RPTOR: variants seen among roughly 807,000 people sequenced by gnomAD.
RPTOR encodes regulatory-associated protein of mTOR.
In RPTOR, 21 loss-of-function variants were observed where a neutral mutation model predicts 169.9. The ratio of observed to expected loss-of-function variants is 0.12; its 90% CI spans 0.09 to 0.18. The LOEUF is 0.18. RPTOR is among the 10% of genes least tolerant of loss of function. The pLI is 1.00. For missense variants in RPTOR, 1,133 were observed against 1,855.9 expected, an observed-to-expected ratio of 0.61 and a Z score of 7.16; for synonymous variants, 732 against 753.2, an observed-to-expected ratio of 0.97 and a Z score of 0.46.
intron 11 of RPTOR, among the ~76,000 whole-genome samples, chr17:80,850,834 C>A (rs1185536904): frequency 6.6e-6 from 1 of 152,226 alleles, no homozygotes; most frequent in African/African-American, 2.4e-5. Flanking sequence ...GCCTGCAGCA[C>A]CTGGCACTCC....
intron 7 of RPTOR, among the ~76,000 whole-genome samples, chr17:80,815,175 G>A (rs2067310907): frequency 1.3e-5 from 2 of 152,366 alleles, no homozygotes; most frequent in Middle Eastern, 3.4e-3. Context: ...AGTTAGGGGT[G>A]CACAAGGTTT....
Position 80,744,907 on chromosome 17 carries a change from C to T in RPTOR, c.655-9103C>T, listed in dbSNP as rs71368083. ...GCCCTGGCTACTAGCACTGTCCTGG[C>T]TACTAGCACAGCCCTGGTTACTAGC... On this transcript the variant is annotated intron_variant, in intron 5 of 33. Transcript: ENST00000306801. Among the ~76,000 whole-genome samples, 339 of 66,858 alleles carry T rather than the reference C, an allele frequency of 5.1e-3. 20 individuals are homozygous for T. The highest frequency in any genetic ancestry group is 7.6e-3 in the East Asian group (12 of 1,570). The allele number at this position is 66,858 out of a possible 152,430, so 43.9% of individuals were successfully genotyped here. A position where few individuals can be genotyped will look rare whatever the true frequency, so the allele number is the denominator to read the frequency against.
chr17:80,702,504 A>C (rs867461739), intron 3 of RPTOR, among the ~76,000 whole-genome samples: 4 of 152,286 alleles, frequency 2.6e-5, no homozygotes, highest in African/African-American at 9.6e-5. Flanking sequence ...CTGGCATTCT[A>C]GTTGTGAGAC....
At chr17:80,598,515 G>A (rs574625470) in intron 1 of RPTOR, among the ~76,000 whole-genome samples, 3 of 152,266 alleles carry the variant, frequency 2.0e-5, no homozygotes, top group East Asian at 3.9e-4. Context: ...AAATGTGAAG[G>A]TCATCTGCAG....
intron 28 of RPTOR, among the ~76,000 whole-genome samples, chr17:80,951,658 C>G (rs954711186): frequency 6.6e-6 from 1 of 152,194 alleles, no homozygotes. Context: ...AGGACTGGTT[C>G]AAACCAGTTC....
At chr17:80,554,660 C>T (rs897488623) in intron 1 of RPTOR, among the ~76,000 whole-genome samples, 5 of 152,030 alleles carry the variant, frequency 3.3e-5, no homozygotes, top group African/African-American at 7.2e-5. Flanking sequence ...AGGAGAATGG[C>T]GTGAACCCGG....
chr17:80,638,409 TTC>T (rs2065525450), intron 2 of RPTOR, among the ~76,000 whole-genome samples: 1 of 124,836 alleles, frequency 8.0e-6, no homozygotes, highest in African/African-American at 3.3e-5. Context: ...TTTTCTTCCT[TTC>T]TTTTTTTTTT....
At chr17:80,880,602 G>A in intron 14 of RPTOR, 113 bp downstream of exon 14, 1 of 974,548 alleles carries the variant, frequency 1.0e-6, no homozygotes, top group Non-Finnish European at 1.6e-6. Context: ...AAGGTCAAGG[G>A]TCACAGCAGG....
chr17:80,852,873 C>T (rs575424240), intron 11 of RPTOR, among the ~76,000 whole-genome samples: 190 of 152,272 alleles, frequency 1.2e-3, no homozygotes, highest in African/African-American at 4.4e-3. Context: ...CATCTCCTCT[C>T]CCCTCCCCCG....
At chr17:80,902,404 A>G (rs1218054672) in intron 20 of RPTOR, among the ~76,000 whole-genome samples, 3 of 152,202 alleles carry the variant, frequency 2.0e-5, no homozygotes, top group Admixed American at 6.5e-5. Flanking sequence ...CCATCCGTGC[A>G]GCTCAGAGCC....
rs932615118 is a variant in RPTOR at position 80,726,193 on chromosome 17, A to G, written c.508-4367A>G. ...AAGCTGTTCTGTGGCGCAGCATCCCAGTGGCTGTTACGGGGTGAAAGCCCC... is the reference window on the plus strand; with the variant it reads ...AAGCTGTTCTGTGGCGCAGCATCCCGGTGGCTGTTACGGGGTGAAAGCCCC... On this transcript the variant is annotated intron_variant, in intron 4 of 33. Transcript: ENST00000306801. This position sits in a 1 kb window ranked among gnomAD's most constrained non-coding sequence, Gnocchi z 4.5. 3.9e-5 allele frequency among the ~76,000 whole-genome samples: 6 copies of G among 152,182 alleles called. No homozygotes were observed. The highest frequency in any genetic ancestry group is 8.8e-5 in the Non-Finnish European group (6 of 68,034).
intron 4 of RPTOR, among the ~76,000 whole-genome samples, chr17:80,709,486 G>T (rs948090386): frequency 8.5e-5 from 13 of 152,372 alleles, no homozygotes; most frequent in Non-Finnish European, 1.6e-4. Context: ...CTCTTCCGCA[G>T]TGCGCTTTGC....
intron 5 of RPTOR, 56 bp from the exon 6 acceptor site, chr17:80,753,954 T>C: frequency 6.9e-7 from 1 of 1,454,576 alleles, no homozygotes; most frequent in Non-Finnish European, 9.6e-7. Flanking sequence ...GCTTACTATT[T>C]GGTTGTGACC....
At chr17:80,797,378 C>G (rs1034389063) in intron 7 of RPTOR, among the ~76,000 whole-genome samples, 1 of 152,206 alleles carries the variant, frequency 6.6e-6, no homozygotes, top group African/African-American at 2.4e-5. Context: ...AAACTCCTGA[C>G]CTCAGATGAT....
At position 80,730,535 on chromosome 17, in the gene RPTOR, C is replaced by T. The variant is rs199988795; in HGVS notation, c.508-25C>T. 769 of 1,608,012 alleles carry T rather than the reference C, an allele frequency of 4.8e-4. 1 individual carries two copies. Among genetic ancestry groups the T allele is most frequent in the Non-Finnish European group, 6.2e-4 (726 of 1,174,772 alleles). The stretch of plus-strand genomic sequence containing the variant: ...CCATATTCCTGAGACGCACATGTAA[C>T]GAGCGCACTTTGTGTGTTTTCTAGA... On this transcript the variant is annotated intron_variant, in intron 4 of 33. Coordinates refer to ENST00000306801, the MANE Select transcript of RPTOR (RefSeq NM_020761.3). This position sits in a 1 kb window ranked among gnomAD's most constrained non-coding sequence, Gnocchi z 4.2.
intron 13 of RPTOR, among the ~76,000 whole-genome samples, chr17:80,864,745 T>C (rs2067967582): frequency 6.6e-6 from 1 of 152,240 alleles, no homozygotes; most frequent in African/African-American, 2.4e-5. Context: ...AATATGGGAT[T>C]TTTTTCTTTT....
Position 80,730,490 on chromosome 17 carries a change from G to A in RPTOR, c.508-70G>A. The A allele has an allele frequency of 6.5e-7, 1 of 1,550,132 alleles. No individual in the cohort carries two copies. Among genetic ancestry groups the A allele is most frequent in the Non-Finnish European group, 8.9e-7 (1 of 1,126,472 alleles). On this transcript the variant is annotated intron_variant, in intron 4 of 33. Coordinates refer to ENST00000306801, the MANE Select transcript of RPTOR (RefSeq NM_020761.3). This position sits in a 1 kb window ranked among gnomAD's most constrained non-coding sequence, Gnocchi z 4.2. ...CTCAATGTGTGTGCCTTTTGTAACG[G>A]TGCAGTACTCACCAGCAGCCCATAT...
chr17:80,961,170 A>C (rs554932848), intron 30 of RPTOR, among the ~76,000 whole-genome samples: 1 of 152,232 alleles, frequency 6.6e-6, no homozygotes, highest in Non-Finnish European at 1.5e-5. Context: ...CCTAGGGCCC[A>C]GCCCTGAGCC....
rs1159703930 is a variant in RPTOR at position 80,724,073 on chromosome 17, A to G, written c.508-6487A>G. ...TGAAGAAAGTATAAATCAGTGGAGT[A>G]AAGGATGAGAAATGGGAAGGTATGA... On this transcript the variant is annotated intron_variant, in intron 4 of 33. Transcript: ENST00000306801. Among the ~76,000 whole-genome samples, 6 of 151,472 alleles carry G rather than the reference A, an allele frequency of 4.0e-5. No individual in the cohort carries two copies. The South Asian group carries it at 1.0e-3, about 26-fold the overall frequency.
Sources: allele counts gnomAD v4.1 joint callset (sites outside exome capture counted in the v4.1 genomes callset), GRCh38; gene constraint gnomAD v4.1.1; non-coding constraint Gnocchi (gnomAD v3.1); transcripts MANE v1.5; gene names NCBI Gene and HGNC (gene_info 2026-07-23, HGNC 2026-07-21).